The following ZCCHC24 variants were observed in gnomAD, a reference collection of about 807,000 sequenced individuals.
The protein encoded by ZCCHC24 is zinc finger CCHC-type containing 24, also known as zinc finger CCHC domain-containing protein 24.
ZCCHC24 carries 10 observed loss-of-function variants against 26.2 expected under a neutral mutation model. The ratio of observed to expected loss-of-function variants is 0.38; its 90% CI spans 0.24 to 0.65. The LOEUF (loss-of-function observed/expected upper bound fraction) is 0.65, where lower values mean the gene tolerates loss of function less well. Ranked by LOEUF, ZCCHC24 falls within the 30% of genes least tolerant of loss-of-function variation. ZCCHC24 has a pLI of 0.54. For missense variants in ZCCHC24, 243 were observed against 329.1 expected (o/e 0.74, Z 2.03); for synonymous variants, 144 against 147.1 (o/e 0.98, Z 0.15).
In ZCCHC24 at chr10:79,384,541, GT is replaced by G. The variant is rs906492698; in HGVS notation, c.*1803del. 1 of 152,442 alleles carries G rather than the reference GT, an allele frequency of 6.6e-6. No homozygotes were observed. Among genetic ancestry groups the G allele is most frequent in the Non-Finnish European group, 1.5e-5 (1 of 68,116 alleles). The allele number at this position is 152,442 out of a possible 1,614,324, so 9.4% of individuals were successfully genotyped here. On this transcript the variant is annotated 3_prime_UTR_variant, in exon 4 of 4. Coordinates refer to ENST00000372336, the MANE Select transcript of ZCCHC24 (RefSeq NM_153367.4). The stretch of plus-strand genomic sequence containing the variant: ...GAGTCCTCAGTGGCAGTCCCCAGTG[GT>G]GGCAAGGGTGTCCACAGCCTGCTGC...
At chr10:79,423,581 C>CTATATATATATTTTATATA in intron 2 of ZCCHC24, among the ~76,000 whole-genome samples, 7,090 of 53,352 alleles carry the variant, frequency 0.13, 728 homozygotes, top group Non-Finnish European at 0.16. Flanking sequence ...AATATATATA[C>CTATATATATATTTTATATA]TATATATATA....
rs1856367678 is a variant in ZCCHC24 at position 79,384,869 on chromosome 10, A to G, written c.*1476T>C. ...ATGTAGGGGCAAAATCAAGAGACCC[A>G]GTTCTGACAGCCGGGAGAAAGGAAG... On this transcript the variant is annotated 3_prime_UTR_variant, in exon 4 of 4. Transcript: ENST00000372336. 1 of 151,978 alleles carries G rather than the reference A, an allele frequency of 6.6e-6. No individual in the cohort carries two copies. Among genetic ancestry groups the G allele is most frequent in the Non-Finnish European group, 1.5e-5 (1 of 67,966 alleles). The allele number at this position is 151,978 out of a possible 1,614,324, so 9.4% of individuals were successfully genotyped here.
chr10:79,444,772 C>G (rs534036188), intron 1 of ZCCHC24, among the ~76,000 whole-genome samples: 6 of 152,226 alleles, frequency 3.9e-5, no homozygotes, highest in Non-Finnish European at 7.3e-5. Flanking sequence ...TCTGCACTCT[C>G]GGTCCCAGCC....
chr10:79,432,618 TG>T lies in ZCCHC24; in HGVS notation c.386del (p.Pro129HisfsTer29). 6.2e-7 allele frequency: 1 copy of T among 1,608,300 alleles called. No individual in the cohort carries two copies. Among genetic ancestry groups the T allele is most frequent in the South Asian group, 1.1e-5 (1 of 90,488 alleles). ...AGCACAGGTGGCACAGGTAGTTGGG[TG>T]GGGGCCGCTTGCTGGGCTTGCGAGC... Reference protein sequence around the residue: ...SEARKPSKRPPPNYLCHLCFN... With the variant: ...SEARKPSKRPXPNYLCHLCFN... On this transcript the variant is annotated frameshift_variant, in exon 2 of 4. Transcript: ENST00000372336. LOFTEE classifies it high-confidence loss of function.
intron 2 of ZCCHC24, among the ~76,000 whole-genome samples, chr10:79,423,589 A>ATATTTTATATATATATATATATTT (rs1201819628): frequency 0.024 from 2,240 of 93,008 alleles, 157 homozygotes; most frequent in Admixed American, 0.096. Flanking sequence ...TACTATATAT[A>ATATTTTATATATATATATATATTT]TATATATATA....
At chr10:79,428,622 AG>A (rs754680512) in intron 2 of ZCCHC24, among the ~76,000 whole-genome samples, 60 of 152,218 alleles carry the variant, frequency 3.9e-4, no homozygotes, top group South Asian at 8.3e-4. Flanking sequence ...ATAATTTAAA[AG>A]TAAAGATGCA....
chr10:79,437,050 T>A (rs1029390289), intron 1 of ZCCHC24, among the ~76,000 whole-genome samples: 2 of 152,176 alleles, frequency 1.3e-5, no homozygotes, highest in Admixed American at 1.3e-4. Flanking sequence ...TAGTTTACTT[T>A]TTTTTTGAGA....
intron 1 of ZCCHC24, 146 bp from the exon 2 acceptor site, chr10:79,432,904 T>A: frequency 1.1e-6 from 1 of 872,044 alleles, no homozygotes; most frequent in Non-Finnish European, 1.7e-6. Flanking sequence ...AAATCCTAAC[T>A]AGTGTGTCTC....
intron 2 of ZCCHC24, among the ~76,000 whole-genome samples, chr10:79,426,576 C>G (rs1857031569): frequency 6.6e-6 from 1 of 152,106 alleles, no homozygotes; most frequent in Non-Finnish European, 1.5e-5. Context: ...ATAGGAGTAA[C>G]ATTTCTCTAT....
intron 2 of ZCCHC24, among the ~76,000 whole-genome samples, chr10:79,427,189 A>C (rs4980078): frequency 0.97 from 147,272 of 152,264 alleles, 71,259 homozygotes; most frequent in East Asian, 1. Context: ...CACTCAAATG[A>C]ATGAAGCAAA....
intron 1 of ZCCHC24, among the ~76,000 whole-genome samples, chr10:79,438,781 G>A (rs536757415): frequency 5.9e-5 from 9 of 152,196 alleles, no homozygotes; most frequent in African/African-American, 2.2e-4. Flanking sequence ...GTGCCAGCAG[G>A]ACAAAGCAGA....
rs1857137077 is a variant in ZCCHC24, at chr10:79,431,979, T to G, written c.447+579A>C. ...ATTGGATCAGGTGGGGGCCTCGATCTGCCCGACCCTCCCTTCTCACTCCAA... is the reference window on the plus strand; with the variant it reads ...ATTGGATCAGGTGGGGGCCTCGATCGGCCCGACCCTCCCTTCTCACTCCAA... On this transcript the variant is annotated intron_variant, in intron 2 of 3. Transcript: ENST00000372336. Among the ~76,000 whole-genome samples, 2 of 152,164 alleles carry G rather than the reference T, an allele frequency of 1.3e-5. 1 individual carries two copies. The highest frequency in any genetic ancestry group is 4.1e-4 in the South Asian group (2 of 4,830).
intron 2 of ZCCHC24, among the ~76,000 whole-genome samples, chr10:79,413,166 C>G (rs944028765): frequency 2.6e-5 from 4 of 152,252 alleles, no homozygotes; most frequent in African/African-American, 9.6e-5. Context: ...CCAGCCTCTG[C>G]CCCTCCCCTC....
At chr10:79,392,559 C>T (rs1856493322) in intron 3 of ZCCHC24, among the ~76,000 whole-genome samples, 6 of 152,230 alleles carry the variant, frequency 3.9e-5, no homozygotes, top group Admixed American at 3.9e-4. Flanking sequence ...AGATCATTCT[C>T]ACCAGACTGC....
At chr10:79,443,391 A>T (rs1468501764) in intron 1 of ZCCHC24, among the ~76,000 whole-genome samples, 1 of 152,174 alleles carries the variant, frequency 6.6e-6, no homozygotes, top group Non-Finnish European at 1.5e-5. Context: ...CAATGCCACC[A>T]TGGTAGGGGG....
chr10:79,394,157 G>A, intron 3 of ZCCHC24, 119 bp downstream of exon 3: 6 of 1,379,120 alleles, frequency 4.4e-6, no homozygotes, highest in Non-Finnish European at 5.8e-6. Context: ...GATGAGACAA[G>A]GAAAGAAAGG....
intron 1 of ZCCHC24, among the ~76,000 whole-genome samples, chr10:79,439,346 C>T (rs577475657): frequency 6.6e-6 from 1 of 152,160 alleles, no homozygotes; most frequent in Non-Finnish European, 1.5e-5. Flanking sequence ...GAAATCGATA[C>T]ATATTTTTTT....
chr10:79,426,164 G>C (rs1004508795), intron 2 of ZCCHC24, among the ~76,000 whole-genome samples: 18 of 152,162 alleles, frequency 1.2e-4, no homozygotes, highest in African/African-American at 4.3e-4. Context: ...GGTGAGAAAG[G>C]ACCAAGTAAT....
intron 2 of ZCCHC24, among the ~76,000 whole-genome samples, chr10:79,410,316 C>T (rs1856772634): frequency 6.6e-6 from 1 of 152,244 alleles, no homozygotes; most frequent in Non-Finnish European, 1.5e-5. Context: ...CTTTCCTCAT[C>T]TTTCTTGTTC....
Sources: allele counts gnomAD v4.1 joint callset (sites outside exome capture counted in the v4.1 genomes callset), GRCh38; gene constraint gnomAD v4.1.1; transcripts MANE v1.5; gene names NCBI Gene and HGNC (gene_info 2026-07-23, HGNC 2026-07-21).